The following WWC2 variants were observed in gnomAD, a reference collection of about 807,000 sequenced individuals.
WWC2 encodes WW and C2 domain containing 2.
WWC2 carries 101 observed loss-of-function variants against 138.5 expected under a neutral mutation model. The ratio of observed to expected loss-of-function variants is 0.73; its 90% CI spans 0.62 to 0.86. WWC2 has a LOEUF of 0.86. Ranked by LOEUF, WWC2 falls within the 40% of genes least tolerant of loss-of-function variation. The pLI is 0.00. For synonymous variants in WWC2, 558 were observed against 538.4 expected, an observed-to-expected ratio of 1.04 and a Z score of -0.50; for missense variants, 1,420 against 1,419.4, an observed-to-expected ratio of 1.00 and a Z score of -0.01.
At chr4:183,196,990 C>T (rs1457081248) in intron 2 of WWC2, among the ~76,000 whole-genome samples, 1 of 152,172 alleles carries the variant, frequency 6.6e-6, no homozygotes, top group Non-Finnish European at 1.5e-5. Context: ...TTGTGAGCTT[C>T]TTAAGGGCAA....
intron 4 of WWC2, among the ~76,000 whole-genome samples, chr4:183,215,397 A>C (rs1735726465): frequency 6.6e-6 from 1 of 152,198 alleles, no homozygotes; most frequent in Non-Finnish European, 1.5e-5. Context: ...CAACAGTCTT[A>C]GTGAATTTTG....
intron 1 of WWC2, among the ~76,000 whole-genome samples, chr4:183,160,281 C>T (rs772108447): frequency 2.6e-5 from 4 of 152,290 alleles, no homozygotes; most frequent in East Asian, 1.9e-4. Context: ...CACTGATAAA[C>T]TCACGTAACA....
chr4:183,177,474 A>G (rs911014306), intron 1 of WWC2, among the ~76,000 whole-genome samples: 1 of 152,218 alleles, frequency 6.6e-6, no homozygotes, highest in Non-Finnish European at 1.5e-5. Context: ...TAATACAAAG[A>G]AATCAAAGAA....
At chr4:183,104,521 G>C (rs535098733) in intron 1 of WWC2, among the ~76,000 whole-genome samples, 1 of 152,244 alleles carries the variant, frequency 6.6e-6, no homozygotes, top group South Asian at 2.1e-4. Context: ...AAAACAAAAT[G>C]AACCTTGATA....
At chr4:183,175,030 C>T (rs559692421) in intron 1 of WWC2, among the ~76,000 whole-genome samples, 193 of 151,008 alleles carry the variant, frequency 1.3e-3, no homozygotes, top group Non-Finnish European at 2.1e-3. Flanking sequence ...TATTTTCTCT[C>T]TTGCTGTAAC....
rs373383758 is a variant in WWC2, at chr4:183,193,599, G to T, written c.132G>T (p.Arg44Ser). 1 of 1,613,624 alleles carries T rather than the reference G, an allele frequency of 6.2e-7. No homozygotes were observed. The highest frequency in any genetic ancestry group is 1.3e-5 in the African/African-American group (1 of 74,872). Residue 44 changes from arginine (R) to serine (S), a missense_variant and splice_region_variant, in exon 2 of 23, where the codon AGG becomes AGT. Arg to Ser is a moderately radical substitution (Grantham distance 110). Coordinates refer to ENST00000403733, the MANE Select transcript of WWC2 (RefSeq NM_024949.6). The stretch of plus-strand genomic sequence containing the variant: ...GTGTGTCAATTCTGGTTTGTTGTAG[G>T]TTAACGAAGCCCTTGTCATTTGCTG... ...RRTSWIDPRD[R>S]LTKPLSFADC...
At position 183,320,032 on chromosome 4, in the gene WWC2, G is replaced by A. The variant is rs751041738; in HGVS notation, c.*4303G>A. 6.6e-5 allele frequency: 106 copies of A among 1,613,830 alleles called. No individual in the cohort carries two copies. The highest frequency in any genetic ancestry group is 8.5e-5 in the Non-Finnish European group (100 of 1,179,894). On this transcript the variant is annotated 3_prime_UTR_variant, in exon 23 of 23. Transcript: ENST00000403733. ...AGGAAGGAGTCAAAGTCCTTGCATT[G>A]CATCCCCACTTCCTCTTGGATGACA...
chr4:183,274,907 T>G (rs903011117), intron 16 of WWC2, among the ~76,000 whole-genome samples: 1 of 152,168 alleles, frequency 6.6e-6, no homozygotes, highest in Non-Finnish European at 1.5e-5. Flanking sequence ...GAAACATTTA[T>G]CATTTCTTGT....
intron 15 of WWC2, among the ~76,000 whole-genome samples, chr4:183,270,397 A>G (rs1737661054): frequency 6.6e-6 from 1 of 152,158 alleles, no homozygotes; most frequent in Admixed American, 6.5e-5. Flanking sequence ...CAAGAACCAA[A>G]GTGGAGTTTT....
rs553069544 is a variant in WWC2 at position 183,289,649 on chromosome 4, G to A, written c.3384+14G>A. On this transcript the variant is annotated intron_variant, in intron 21 of 22. Transcript: ENST00000403733. ...GCTGAGAAGCAGGTACGCAGCTCAG[G>A]GTCTGTCATCTCGGAGGGGCTTACA... 60 of 1,611,458 alleles carry A rather than the reference G, an allele frequency of 3.7e-5. No homozygotes were observed. In the South Asian group the frequency reaches 6.4e-4, roughly 17 times the overall value.
intron 4 of WWC2, among the ~76,000 whole-genome samples, chr4:183,227,823 A>C (rs1374255956): frequency 1.3e-5 from 2 of 152,074 alleles, no homozygotes; most frequent in Admixed American, 1.3e-4. Flanking sequence ...TAGGTGAAAT[A>C]AAGACATTTT....
intron 1 of WWC2, among the ~76,000 whole-genome samples, chr4:183,192,523 A>G (rs1052102957): frequency 6.6e-6 from 1 of 152,164 alleles, no homozygotes; most frequent in Non-Finnish European, 1.5e-5. Context: ...TCCTTGGAGG[A>G]CTATTGCAGA....
intron 2 of WWC2, among the ~76,000 whole-genome samples, chr4:183,195,506 CTT>C (rs1194482632): frequency 6.6e-6 from 1 of 152,184 alleles, no homozygotes; most frequent in Non-Finnish European, 1.5e-5. Flanking sequence ...CTCTTAATAA[CTT>C]TTCTATTTCA....
chr4:183,293,138 AG>A (rs1429971127), intron 21 of WWC2, among the ~76,000 whole-genome samples: 1 of 152,188 alleles, frequency 6.6e-6, no homozygotes, highest in Non-Finnish European at 1.5e-5. Flanking sequence ...TATTTTTAGT[AG>A]AGACAGGGTT....
chr4:183,176,059 G>T (rs1170910764), intron 1 of WWC2, among the ~76,000 whole-genome samples: 1 of 152,172 alleles, frequency 6.6e-6, no homozygotes, highest in Non-Finnish European at 1.5e-5. Context: ...ATGAATAAGG[G>T]CTGATCTCTG....
At chr4:183,311,248 A>G (rs1183922277) in intron 21 of WWC2, among the ~76,000 whole-genome samples, 1 of 152,220 alleles carries the variant, frequency 6.6e-6, no homozygotes, top group Non-Finnish European at 1.5e-5. Context: ...ACAGTACCCA[A>G]ATGTTCATTA....
chr4:183,238,374 C>T (rs1460099501), intron 4 of WWC2, among the ~76,000 whole-genome samples: 1 of 152,142 alleles, frequency 6.6e-6, no homozygotes, highest in African/African-American at 2.4e-5. Context: ...GCATAATGGA[C>T]CCTCGTGGCA....
intron 1 of WWC2, among the ~76,000 whole-genome samples, chr4:183,106,404 T>C (rs1743362371): frequency 6.6e-6 from 1 of 151,988 alleles, no homozygotes; most frequent in Non-Finnish European, 1.5e-5. Flanking sequence ...TATTTTATCT[T>C]TATTAGATTA....
chr4:183,156,384 G>A (rs1417360511), intron 1 of WWC2, among the ~76,000 whole-genome samples: 3 of 134,406 alleles, frequency 2.2e-5, no homozygotes, highest in Non-Finnish European at 3.1e-5. Context: ...TGCTCAGGCT[G>A]TAGTGCAGTG....
Sources: gnomAD v4.1 joint callset for allele counts (sites outside exome capture counted in the v4.1 genomes callset) on GRCh38, gnomAD v4.1.1 for gene constraint, MANE v1.5 for transcripts, NCBI Gene and HGNC (gene_info 2026-07-23, HGNC 2026-07-21) for gene names.